GCNT2: variants seen among roughly 807,000 people sequenced by gnomAD.
GCNT2 encodes the protein glucosaminyl (N-acetyl) transferase 2 (I blood group), also known as N-acetyllactosaminide beta-1,6-N-acetylglucosaminyl-transferase.
A neutral mutation model predicts 34.2 loss-of-function variants in GCNT2; 34 were observed. The observed-to-expected ratio is 1.00, with a 90% CI of 0.76 to 1.32. The LOEUF (loss-of-function observed/expected upper bound fraction) is 1.32, where lower values mean the gene tolerates loss of function less well. Ranked by LOEUF, GCNT2 falls within the 40% of genes most tolerant of loss-of-function variation. The probability of loss-of-function intolerance (pLI) is 0.00; values close to 1 mark genes in which losing one functional copy is unlikely to be tolerated. For synonymous variants in GCNT2, 212 were observed against 188.0 expected, an observed-to-expected ratio of 1.13 and a Z score of -1.04; for missense variants, 584 against 489.4, an observed-to-expected ratio of 1.19 and a Z score of -1.82.
intron 3 of GCNT2, among the ~76,000 whole-genome samples, chr6:10,532,048 A>G (rs1761518586): frequency 6.6e-6 from 1 of 152,034 alleles, no homozygotes; most frequent in Non-Finnish European, 1.5e-5. Flanking sequence ...CGGGTGGGAG[A>G]TGAGAACACA....
chr6:10,581,762 A>G (rs1019508625), intron 3 of GCNT2: 1 of 985,334 alleles, frequency 1.0e-6, no homozygotes, highest in Non-Finnish European at 1.2e-6. Flanking sequence ...AACCTGCAAT[A>G]GAAGACCTTT....
Position 10,529,673 on chromosome 6 carries a change from T to A in GCNT2, c.762T>A (p.Pro254=). ...AAACAACAAAATTAAAAACTCCTCC[T>A]CCTCATGACATGGTGATTTACTTTG... is the stretch of plus-strand genomic sequence containing the variant. The part of the protein sequence containing the change: ...VIKTTKLKTP[P]PHDMVIYFGT... The change falls in exon 3 of 5, where the codon CCT becomes CCA. Residue 254 remains proline, a synonymous_variant. Transcript: ENST00000495262. 3.1e-6 allele frequency: 5 copies of A among 1,614,040 alleles called. No homozygotes were observed. Among genetic ancestry groups the A allele is most frequent in the Non-Finnish European group, 4.2e-6 (5 of 1,179,992 alleles).
At chr6:10,597,738 A>C (rs1764919247) in intron 3 of GCNT2, among the ~76,000 whole-genome samples, 1 of 152,084 alleles carries the variant, frequency 6.6e-6, no homozygotes, top group African/African-American at 2.4e-5. Context: ...CTGGGATTAT[A>C]GGCGTGAGCC....
In GCNT2 at chr6:10,534,139, C is replaced by CTTTTTTTTTTTTTTTT. The variant is rs1491129469; in HGVS notation, c.925+4304_925+4305insTTTTTTTTTTTTTTTT. On this transcript the variant is annotated intron_variant, in intron 3 of 4. Coordinates refer to ENST00000495262, the MANE Select transcript of GCNT2 (RefSeq NM_145649.5). Reference sequence around the variant, plus strand: ...CTGGTATCTGCCAGATTCCATGCTGCTCTTTTTTTTTTTTTTTTTTAAGAT... The same window carrying CTTTTTTTTTTTTTTTT: ...CTGGTATCTGCCAGATTCCATGCTGCTTTTTTTTTTTTTTTTTCTTTTTTTTTTTTTTTTTTAAGAT... 5.1e-3 allele frequency among the ~76,000 whole-genome samples: 633 copies of CTTTTTTTTTTTTTTTT among 123,122 alleles called. 88 individuals carry two copies. The highest frequency in any genetic ancestry group is 0.013 in the South Asian group (40 of 3,128). 80.8% of individuals were successfully genotyped at this position (123,122 alleles called of 152,430 possible).
In GCNT2 at chr6:10,529,594, G is replaced by A. The variant is rs137853340; in HGVS notation, c.683G>A (p.Arg228Gln). ...CTGCCTCCTGACCACGCTGTTGGAC[G>A]GACTAAATACGTCCACCAAGAACTG... ...GVLPPDHAVGRTKYVHQELLN... is the reference protein window; with the variant it reads ...GVLPPDHAVGQTKYVHQELLN... The change falls in exon 3 of 5, where the codon CGG becomes CAG. Residue 228 changes from arginine (R) to glutamine (Q), a missense_variant. Physicochemically the swap from Arg to Gln is conservative, Grantham distance 43. Transcript: ENST00000495262. 1.4e-5 allele frequency: 22 copies of A among 1,613,848 alleles called. No homozygotes were observed. The highest frequency in any genetic ancestry group is 1.3e-4 in the East Asian group (6 of 44,900).
chr6:10,615,644 T>G (rs2147642), intron 3 of GCNT2, among the ~76,000 whole-genome samples: 23,398 of 152,116 alleles, frequency 0.15, 3,278 homozygotes, highest in African/African-American at 0.37. Context: ...GGGTGAGTCT[T>G]CAGTGCAAAG....
At chr6:10,576,635 T>C (rs988104306) in intron 3 of GCNT2, among the ~76,000 whole-genome samples, 1 of 151,752 alleles carries the variant, frequency 6.6e-6, no homozygotes, top group African/African-American at 2.4e-5. Flanking sequence ...GTTGGGGAGT[T>C]CCAGGATGAA....
intron 3 of GCNT2, among the ~76,000 whole-genome samples, chr6:10,579,365 G>A (rs758662652): frequency 1.6e-4 from 25 of 152,078 alleles, no homozygotes; most frequent in Non-Finnish European, 2.8e-4. Flanking sequence ...TGTATAACAT[G>A]TCTATTAATC....
Position 10,628,643 on chromosome 6 carries a change from A to ATG in GCNT2, c.*2037_*2038insGT, listed in dbSNP as rs1385698350. 6.6e-6 allele frequency: 1 copy of ATG among 152,256 alleles called. No individual in the cohort carries two copies. Among genetic ancestry groups the ATG allele is most frequent in the Non-Finnish European group, 1.5e-5 (1 of 68,064 alleles). 9.4% of individuals were successfully genotyped at this position (152,256 alleles called of 1,614,324 possible). Reference sequence around the variant, plus strand: ...GAGCCTTAACCCTCAATGTGATGGTATTTGAGATGGGGCCTTTGGTAAGGG... The same window carrying ATG: ...GAGCCTTAACCCTCAATGTGATGGTATGTTTGAGATGGGGCCTTTGGTAAGGG... On this transcript the variant is annotated 3_prime_UTR_variant, in exon 5 of 5. Coordinates refer to ENST00000495262, the MANE Select transcript of GCNT2 (RefSeq NM_145649.5).
At chr6:10,598,387 C>T (rs111350314) in intron 3 of GCNT2, among the ~76,000 whole-genome samples, 1 of 152,282 alleles carries the variant, frequency 6.6e-6, no homozygotes, top group African/African-American at 2.4e-5. Context: ...TCCCTCTCCA[C>T]GGTATATTAA....
intron 3 of GCNT2, among the ~76,000 whole-genome samples, chr6:10,578,391 TAAAAA>T (rs55708119): frequency 1.1e-5 from 1 of 87,070 alleles, no homozygotes; most frequent in Non-Finnish European, 2.4e-5. Flanking sequence ...TGTCTAAAAG[TAAAAA>T]AAAAAAAAAA....
chr6:10,613,582 A>C (rs1765644600), intron 3 of GCNT2, among the ~76,000 whole-genome samples: 1 of 152,226 alleles, frequency 6.6e-6, no homozygotes, highest in Admixed American at 6.5e-5. Context: ...GTCCCATTAG[A>C]GGATACAGAA....
chr6:10,528,848 T>A lies in GCNT2; in HGVS notation c.-64T>A. 1 of 1,319,138 alleles carries A rather than the reference T, an allele frequency of 7.6e-7. No homozygotes were observed. The highest frequency in any genetic ancestry group is 1.1e-6 in the Non-Finnish European group (1 of 913,514). The allele number at this position is 1,319,138 out of a possible 1,614,324, so 81.7% of individuals were successfully genotyped here. On this transcript the variant is annotated 5_prime_UTR_variant, in exon 3 of 5. An upstream open reading frame in the 5' UTR loses its in-frame stop. Transcript: ENST00000495262. ...TTCGGAACCTGGAGAAAATGTAAGT[T>A]AAATATATCTACACTCTGATCCTAT...
At chr6:10,551,954 C>A (rs926349908) in intron 3 of GCNT2, among the ~76,000 whole-genome samples, 2 of 145,268 alleles carry the variant, frequency 1.4e-5, no homozygotes, top group African/African-American at 5.2e-5. Context: ...GATGGGGGTT[C>A]CACCATGTTG....
chr6:10,558,146 G>T (rs1026316242), intron 3 of GCNT2, among the ~76,000 whole-genome samples: 1 of 152,166 alleles, frequency 6.6e-6, no homozygotes, highest in Admixed American at 6.5e-5. Context: ...GTGGAATTAG[G>T]ATATTTACCT....
chr6:10,565,708 C>CTTCT (rs1561804399), intron 3 of GCNT2, among the ~76,000 whole-genome samples: 1 of 151,934 alleles, frequency 6.6e-6, no homozygotes, highest in African/African-American at 2.4e-5. Context: ...TAAATTCTTC[C>CTTCT]TGGTAAATTC....
chr6:10,565,878 ATGGCCT>A, intron 3 of GCNT2, among the ~76,000 whole-genome samples: 1 of 152,270 alleles, frequency 6.6e-6, no homozygotes, highest in Non-Finnish European at 1.5e-5. Context: ...CAGTGACAGG[ATGGCCT>A]TTGTAACATG....
intron 4 of GCNT2, among the ~76,000 whole-genome samples, chr6:10,624,838 C>G (rs1427511576): frequency 6.6e-6 from 1 of 151,828 alleles, no homozygotes; most frequent in Non-Finnish European, 1.5e-5. Flanking sequence ...CAGACCCTTG[C>G]TCTTTTGCAT....
At chr6:10,626,014 C>T (rs115346873) in intron 4 of GCNT2, among the ~76,000 whole-genome samples, 3,556 of 152,138 alleles carry the variant, frequency 0.023, 151 homozygotes, top group African/African-American at 0.079. Context: ...ATTTTTGGAT[C>T]GTGGTTGACT....
Sources: gnomAD v4.1 joint callset for allele counts (sites outside exome capture counted in the v4.1 genomes callset) on GRCh38, gnomAD v4.1.1 for gene constraint, MANE v1.5 for transcripts, NCBI Gene and HGNC (gene_info 2026-07-23, HGNC 2026-07-21) for gene names.